Variants in ACOT7 observed in about 807,000 individuals in gnomAD.
ACOT7 encodes acyl-CoA thioesterase 7.
A neutral mutation model predicts 40.2 loss-of-function variants in ACOT7; 12 were observed. The observed-to-expected ratio is 0.30, with a 90% CI of 0.19 to 0.48. The LOEUF (loss-of-function observed/expected upper bound fraction) is 0.48, where lower values mean the gene tolerates loss of function less well. ACOT7 is among the 20% of genes least tolerant of loss of function. ACOT7 has a pLI of 0.99. For synonymous variants in ACOT7, 228 were observed against 219.5 expected (o/e 1.04, Z -0.34); for missense variants, 395 against 530.8 (o/e 0.74, Z 2.51).
intron 6 of ACOT7, among the ~76,000 whole-genome samples, chr1:6,300,756 G>A (rs111989888): frequency 5.1e-4 from 62 of 122,492 alleles, no homozygotes; most frequent in African/African-American, 1.7e-3. Context: ...ATGTGTGGCC[G>A]GCCCCTCCCC....
chr1:6,366,313 T>C (rs1184313032), intron 1 of ACOT7, among the ~76,000 whole-genome samples: 2 of 152,088 alleles, frequency 1.3e-5, no homozygotes, highest in African/African-American at 2.4e-5. Context: ...CCAGGCACGG[T>C]GGCTCATGTC....
rs554963372 is a variant in ACOT7 at position 6,275,847 on chromosome 1, T to G, written c.1014+5255A>C. On this transcript the variant is annotated intron_variant, in intron 8 of 8. Coordinates refer to ENST00000361521, the MANE Select transcript of ACOT7 (RefSeq NM_007274.4). The surrounding 1 kb of genome is among the most constrained non-coding windows in gnomAD (Gnocchi z 5.6). ...CCTGGGCTGGCCACCTCGGGAGATG[T>G]GTGTTCATGAGCACCAGAGAGACCC... Among the ~76,000 whole-genome samples, 24 of 151,960 alleles carry G rather than the reference T, an allele frequency of 1.6e-4. No homozygotes were observed. The highest frequency in any genetic ancestry group is 5.3e-4 in the African/African-American group (22 of 41,430).
intron 1 of ACOT7, chr1:6,385,943 G>C: frequency 1.2e-6 from 1 of 819,908 alleles, no homozygotes; most frequent in Non-Finnish European, 1.8e-6. Flanking sequence ...AGGGAAACAG[G>C]ACAGGGCCAC....
In ACOT7 at chr1:6,289,688, G is replaced by GTGTTT. The variant is rs59290255; in HGVS notation, c.829+5171_829+5175dup. Among the ~76,000 whole-genome samples the GTGTTT allele has an allele frequency of 0.024, 3,695 of 151,728 alleles. 143 individuals are homozygous for GTGTTT. The highest frequency in any genetic ancestry group is 0.086 in the African/African-American group (3,546 of 41,248). ...TGTGACCAGCCTGCTTTTTTTGTGT[G>GTGTTT]TGTTTTGTTTTGTTTTGTTTTTAAA... On this transcript the variant is annotated intron_variant, in intron 7 of 8. Coordinates refer to ENST00000361521, the MANE Select transcript of ACOT7 (RefSeq NM_007274.4). This position sits in a 1 kb window ranked among gnomAD's most constrained non-coding sequence, Gnocchi z 4.6.
At position 6,330,937 on chromosome 1, in the gene ACOT7, A is replaced by G. The variant is rs1445453421; in HGVS notation, c.510+2540T>C. On this transcript the variant is annotated intron_variant, in intron 4 of 8. Coordinates refer to ENST00000361521, the MANE Select transcript of ACOT7 (RefSeq NM_007274.4). This position sits in a 1 kb window ranked among gnomAD's most constrained non-coding sequence, Gnocchi z 4.6. The stretch of plus-strand genomic sequence containing the variant: ...CTGAAAATTAAATCCGTTAAATGCT[A>G]TGTCTCAATATTTACATGTGATGTG... Among the ~76,000 whole-genome samples, 1 of 152,198 alleles carries G rather than the reference A, an allele frequency of 6.6e-6. No homozygotes were observed. Among genetic ancestry groups the G allele is most frequent in the Admixed American group, 6.5e-5 (1 of 15,278 alleles).
rs1041519493 is a variant in ACOT7, at chr1:6,355,820, C to T, written c.144-5954G>A. 1.3e-5 allele frequency among the ~76,000 whole-genome samples: 2 copies of T among 152,182 alleles called. No individual in the cohort carries two copies. Among genetic ancestry groups the T allele is most frequent in the African/African-American group, 4.8e-5 (2 of 41,448 alleles). The stretch of plus-strand genomic sequence containing the variant: ...CAGCCCACATCCTCGCAGGACAGCC[C>T]GAGCCTGTTCCGCAGCGGGAGTGAG... On this transcript the variant is annotated intron_variant, in intron 1 of 8. Transcript: ENST00000361521. The surrounding 1 kb of genome is among the most constrained non-coding windows in gnomAD (Gnocchi z 5.0).
At chr1:6,266,635 G>A (rs530276093) in intron 8 of ACOT7, among the ~76,000 whole-genome samples, 5 of 152,402 alleles carry the variant, frequency 3.3e-5, no homozygotes, top group Admixed American at 1.3e-4. Context: ...AAGAATGCAA[G>A]GTCAAAGCCA....
intron 8 of ACOT7, among the ~76,000 whole-genome samples, chr1:6,269,326 C>T (rs540961376): frequency 2.7e-4 from 41 of 152,214 alleles, no homozygotes; most frequent in Non-Finnish European, 4.4e-4. Context: ...GGGTCAGGGG[C>T]TTCCCTGCCT....
intron 1 of ACOT7, among the ~76,000 whole-genome samples, chr1:6,375,203 C>T (rs569755627): frequency 6.8e-6 from 1 of 147,676 alleles, no homozygotes; most frequent in South Asian, 2.1e-4. Flanking sequence ...GCGGAGCTTG[C>T]AGTGAGCCAA....
In ACOT7 at chr1:6,311,302, C is replaced by G. The variant is rs571052216; in HGVS notation, c.712+7190G>C. Among the ~76,000 whole-genome samples, 3 of 152,344 alleles carry G rather than the reference C, an allele frequency of 2.0e-5. No individual in the cohort carries two copies. The highest frequency in any genetic ancestry group is 2.0e-4 in the Admixed American group (3 of 15,306). ...CAACCCATGCCCTCCCTCCATTCCC[C>G]TCACGCTCTAAAGACCCTGATACAG... On this transcript the variant is annotated intron_variant, in intron 6 of 8. Transcript: ENST00000361521. The surrounding 1 kb of genome is among the most constrained non-coding windows in gnomAD (Gnocchi z 5.2).
intron 1 of ACOT7, among the ~76,000 whole-genome samples, chr1:6,372,986 G>A (rs1400638660): frequency 6.6e-6 from 1 of 152,110 alleles, no homozygotes; most frequent in Admixed American, 6.6e-5. Context: ...GAGAGAGATG[G>A]GGAAATAGCC....
intron 1 of ACOT7, among the ~76,000 whole-genome samples, chr1:6,353,408 C>T (rs934688124): frequency 2.6e-5 from 4 of 151,916 alleles, no homozygotes; most frequent in East Asian, 1.9e-4. Context: ...GAGGCGGGGG[C>T]GGATCACTTG....
intron 4 of ACOT7, among the ~76,000 whole-genome samples, chr1:6,328,735 C>T (rs1441835454): frequency 6.6e-6 from 1 of 152,236 alleles, no homozygotes; most frequent in Non-Finnish European, 1.5e-5. Flanking sequence ...AAAGCCAAAG[C>T]TCCTGAGTCC....
intron 7 of ACOT7, among the ~76,000 whole-genome samples, chr1:6,292,075 C>G (rs999010332): frequency 6.6e-5 from 10 of 152,340 alleles, no homozygotes; most frequent in African/African-American, 2.4e-4. Flanking sequence ...AGTGTGACAG[C>G]ATTCAACGGC....
chr1:6,322,455 G>C (rs1030887979), intron 5 of ACOT7, among the ~76,000 whole-genome samples: 9 of 152,380 alleles, frequency 5.9e-5, no homozygotes, highest in African/African-American at 1.9e-4. Context: ...GTGTACCCGT[G>C]TGCTGGGGCC....
At chr1:6,316,034 C>A (rs1242043122) in intron 6 of ACOT7, among the ~76,000 whole-genome samples, 2 of 152,132 alleles carry the variant, frequency 1.3e-5, no homozygotes, top group Non-Finnish European at 2.9e-5. Context: ...AAAGACTGGG[C>A]TTAAGGGTGT....
rs12758362 is a variant in ACOT7, at chr1:6,282,540, C to A, written c.830-1254G>T. 6.6e-6 allele frequency among the ~76,000 whole-genome samples: 1 copy of A among 152,148 alleles called. No individual in the cohort carries two copies. ...GGCTTCGGGGACTTTTTAATGTGGC[C>A]TCTGGAACCCCCAGTGTCCTAGCTG... is the stretch of plus-strand genomic sequence containing the variant. On this transcript the variant is annotated intron_variant, in intron 7 of 8. Transcript: ENST00000361521. This position sits in a 1 kb window ranked among gnomAD's most constrained non-coding sequence, Gnocchi z 4.5.
chr1:6,366,411 T>C (rs1642012497), intron 1 of ACOT7, among the ~76,000 whole-genome samples: 1 of 151,834 alleles, frequency 6.6e-6, no homozygotes, highest in South Asian at 2.1e-4. Context: ...AAGGAGATGC[T>C]GTCTCTAAAA....
rs1639607292 is a variant in ACOT7 at position 6,289,555 on chromosome 1, G to T, written c.829+5309C>A. On this transcript the variant is annotated intron_variant, in intron 7 of 8. Transcript: ENST00000361521. The surrounding 1 kb of genome is among the most constrained non-coding windows in gnomAD (Gnocchi z 4.6). ...TAGCCCAGATAATTTTTAAATTTTT[G>T]TAGAGATGGGGCCTCACCATGTTGC... is the stretch of plus-strand genomic sequence containing the variant. 6.6e-6 allele frequency among the ~76,000 whole-genome samples: 1 copy of T among 151,814 alleles called. No individual in the cohort carries two copies. The highest frequency in any genetic ancestry group is 1.5e-5 in the Non-Finnish European group (1 of 67,974).
Sources: gnomAD v4.1 joint callset for allele counts (sites outside exome capture counted in the v4.1 genomes callset) on GRCh38, gnomAD v4.1.1 for gene constraint, Gnocchi (gnomAD v3.1) non-coding constraint, MANE v1.5 for transcripts, NCBI Gene and HGNC (gene_info 2026-07-23, HGNC 2026-07-21) for gene names.